Variants in NDUFA10 observed in about 807,000 individuals in gnomAD.
NDUFA10 encodes NADH:ubiquinone oxidoreductase subunit A10.
Under a neutral mutation model 47.8 loss-of-function variants are expected in NDUFA10, and 40 were observed. The ratio of observed to expected loss-of-function variants is 0.84; its 90% CI spans 0.65 to 1.09. NDUFA10 has a LOEUF of 1.09. Among genes scored for constraint, NDUFA10 ranks in the 50% least tolerant of loss-of-function variants. NDUFA10 has a pLI of 0.00. For missense variants in NDUFA10, 413 were observed against 451.1 expected, an observed-to-expected ratio of 0.92 and a Z score of 0.76; for synonymous variants, 183 against 172.2, an observed-to-expected ratio of 1.06 and a Z score of -0.49.
At chr2:240,022,084 TTTAATA>T (rs1168848032) in intron 2 of NDUFA10, 82 bp downstream of exon 2, 1 of 1,055,324 alleles carries the variant, frequency 9.5e-7, no homozygotes, top group East Asian at 3.2e-5. Flanking sequence ...TTTAATATTA[TTTAATA>T]TTAATATTGA....
intron 4 of NDUFA10, among the ~76,000 whole-genome samples, chr2:239,900,402 C>T (rs1282332210): frequency 6.6e-6 from 1 of 151,196 alleles, no homozygotes; most frequent in Non-Finnish European, 1.5e-5. Flanking sequence ...TTGACTAATA[C>T]AGGCCTCTAG....
Position 240,022,203 on chromosome 2 carries a change from G to T in NDUFA10, c.213C>A (p.Gly71=). Reference sequence around the variant, plus strand: ...TCTCTGCTATTTCTTTTGCAAGTTTGCCTTTTCCAGTACATATATTGCCAT... The same window carrying T: ...TCTCTGCTATTTCTTTTGCAAGTTTTCCTTTTCCAGTACATATATTGCCAT... The part of the protein sequence containing the change: ...TVDGNICTGK[G]KLAKEIAEKL... Residue 71 remains glycine, a synonymous_variant, in exon 2 of 10, where the codon GGC becomes GGA. Transcript: ENST00000252711. 1 of 1,613,806 alleles carries T rather than the reference G, an allele frequency of 6.2e-7. No individual in the cohort carries two copies. The highest frequency in any genetic ancestry group is 8.5e-7 in the Non-Finnish European group (1 of 1,179,746).
intron 6 of NDUFA10, among the ~76,000 whole-genome samples, chr2:240,009,211 T>TACATGTCA (rs1697052200): frequency 6.6e-6 from 1 of 152,246 alleles, no homozygotes; most frequent in Non-Finnish European, 1.5e-5. Context: ...CATGTCAGGC[T>TACATGTCA]GGTCACTCAG....
At chr2:239,983,621 C>A in intron 9 of NDUFA10, 3 of 1,589,052 alleles carry the variant, frequency 1.9e-6, no homozygotes, top group Non-Finnish European at 2.6e-6. Flanking sequence ...CAGGAGCCCA[C>A]GGTCAGGGCC....
At chr2:239,915,036 ACAG>A (rs1165714244) in intron 4 of NDUFA10, among the ~76,000 whole-genome samples, 2 of 148,782 alleles carry the variant, frequency 1.3e-5, no homozygotes, top group African/African-American at 5.2e-5. Context: ...ACATACACAC[ACAG>A]AACACACACA....
intron 9 of NDUFA10, among the ~76,000 whole-genome samples, chr2:239,976,842 A>C (rs1695544698): frequency 6.6e-6 from 1 of 152,148 alleles, no homozygotes; most frequent in South Asian, 2.1e-4. Context: ...GTTCCAGTAA[A>C]AAGACATGAT....
In NDUFA10 at chr2:240,006,079, G is replaced by A. The variant is rs979468904; in HGVS notation, c.805-784C>T. Among the ~76,000 whole-genome samples, 5 of 152,114 alleles carry A rather than the reference G, an allele frequency of 3.3e-5. No homozygotes were observed. In the East Asian group the frequency reaches 9.6e-4, roughly 29 times the overall value. On this transcript the variant is annotated intron_variant, in intron 7 of 9. Coordinates refer to ENST00000252711, the MANE Select transcript of NDUFA10 (RefSeq NM_004544.4). ...TTCCAGAGGAGTAATCTTTCCATAC[G>A]CATTCTCTCCTCACAACAGGCCAAA...
chr2:239,978,740 G>T (rs956253670), intron 9 of NDUFA10, among the ~76,000 whole-genome samples: 8 of 152,204 alleles, frequency 5.3e-5, no homozygotes, highest in Non-Finnish European at 1.2e-4. Flanking sequence ...AGGAAGAGCT[G>T]CTGTTCTGTT....
In NDUFA10 at chr2:239,915,472, A is replaced by G. The variant is rs576014152; in HGVS notation, c.295-20158T>C. The stretch of plus-strand genomic sequence containing the variant: ...GAGAGACAGAGATACACATACATAC[A>G]CACACACAGAACACACACACAGACA... On this transcript the variant is annotated intron_variant, in intron 4 of 5. Transcript: ENST00000419408. Among the ~76,000 whole-genome samples, 33 of 145,106 alleles carry G rather than the reference A, an allele frequency of 2.3e-4. 1 individual carries two copies. The highest frequency in any genetic ancestry group is 8.7e-4 in the African/African-American group (32 of 36,862).
At chr2:240,018,505 G>A (rs763563037) in intron 4 of NDUFA10, 48 bp downstream of exon 4, 6 of 1,614,144 alleles carry the variant, frequency 3.7e-6, no homozygotes, top group Non-Finnish European at 1.7e-6. Context: ...CACAGCCCTT[G>A]CAAAGTCGCA....
At chr2:239,961,745 A>C (rs1325621236) in intron 9 of NDUFA10, among the ~76,000 whole-genome samples, 1 of 152,194 alleles carries the variant, frequency 6.6e-6, no homozygotes, top group Non-Finnish European at 1.5e-5. Flanking sequence ...AAACCAGCAA[A>C]GGAGGGGGAA....
chr2:239,947,824 C>A (rs1694480958), intron 4 of NDUFA10, among the ~76,000 whole-genome samples: 1 of 152,242 alleles, frequency 6.6e-6, no homozygotes, highest in African/African-American at 2.4e-5. Context: ...AGCGACATAA[C>A]CTGTGGCCCC....
At position 240,016,180 on chromosome 2, in the gene NDUFA10, C is replaced by A. The variant is rs1697339124; in HGVS notation, c.548-1320G>T. ...CGAGCTAAAGAACAAGGAAGACCAC[C>A]CAGGAGGAGGTGTGACAAAGCAAAG... On this transcript the variant is annotated intron_variant, in intron 4 of 9. Transcript: ENST00000252711. This position sits in a 1 kb window ranked among gnomAD's most constrained non-coding sequence, Gnocchi z 4.4. Among the ~76,000 whole-genome samples the A allele has an allele frequency of 6.6e-6, 1 of 152,142 alleles. No individual in the cohort carries two copies. The highest frequency in any genetic ancestry group is 6.5e-5 in the Admixed American group (1 of 15,282).
chr2:239,944,140 G>T (rs1694406751), intron 4 of NDUFA10, among the ~76,000 whole-genome samples: 1 of 152,092 alleles, frequency 6.6e-6, no homozygotes, highest in South Asian at 2.1e-4. Context: ...GACCACTGCA[G>T]CCAGGCCCCT....
In NDUFA10 at chr2:239,968,828, G is replaced by A. The variant is rs74863892; in HGVS notation, c.1000-7642C>T. 5.6e-3 allele frequency among the ~76,000 whole-genome samples: 849 copies of A among 152,176 alleles called. 15 individuals carry two copies. Among genetic ancestry groups the A allele is most frequent in the South Asian group, 0.051 (247 of 4,818 alleles). On this transcript the variant is annotated intron_variant, in intron 9 of 9. Transcript: ENST00000252711. The stretch of plus-strand genomic sequence containing the variant: ...CAGAGTTCACTTAGGGCTGAGAGTC[G>A]GCGAGCTCCCACTGGCCAGAGCAGA...
At chr2:239,917,695 GC>G (rs1289007668) in intron 4 of NDUFA10, among the ~76,000 whole-genome samples, 1 of 152,244 alleles carries the variant, frequency 6.6e-6, no homozygotes, top group Admixed American at 6.5e-5. Flanking sequence ...CTGTAAGCCT[GC>G]TTCAAGCTAG....
At chr2:239,914,904 C>T (rs1434972370) in intron 4 of NDUFA10, among the ~76,000 whole-genome samples, 1 of 144,748 alleles carries the variant, frequency 6.9e-6, no homozygotes, top group Non-Finnish European at 1.5e-5. Context: ...CACATACATA[C>T]TCAGACACAC....
chr2:239,981,255 C>T (rs916681316), intron 9 of NDUFA10, among the ~76,000 whole-genome samples: 1 of 152,226 alleles, frequency 6.6e-6, no homozygotes, highest in East Asian at 1.9e-4. Context: ...TCACCAAATG[C>T]CCATGGATGG....
downstream of NDUFA10, among the ~76,000 whole-genome samples, chr2:239,957,123 C>T (rs547982905): frequency 9.9e-5 from 15 of 152,202 alleles, no homozygotes; most frequent in Non-Finnish European, 2.1e-4. Context: ...CTCGCCAAGT[C>T]TCACAGCTTT....
Sources: gnomAD v4.1 joint callset for allele counts (sites outside exome capture counted in the v4.1 genomes callset) on GRCh38, gnomAD v4.1.1 for gene constraint, Gnocchi (gnomAD v3.1) non-coding constraint, MANE v1.5 for transcripts, NCBI Gene and HGNC (gene_info 2026-07-23, HGNC 2026-07-21) for gene names.